Variants in TPST2 observed in about 807,000 individuals in gnomAD.
The protein encoded by TPST2 is protein-tyrosine sulfotransferase 2.
A neutral mutation model predicts 27.8 loss-of-function variants in TPST2; 16 were observed. The ratio of observed to expected loss-of-function variants is 0.58; its 90% CI spans 0.39 to 0.88. The LOEUF is 0.88. TPST2 is among the 40% of genes least tolerant of loss of function. The pLI, the probability that TPST2 is intolerant of heterozygous loss-of-function variation, is 0.00. For missense variants in TPST2, 464 were observed against 543.1 expected, an observed-to-expected ratio of 0.85 and a Z score of 1.45; for synonymous variants, 229 against 231.7, an observed-to-expected ratio of 0.99 and a Z score of 0.10.
At chr22:26,588,147 G>GT (rs1735346582) in intron 1 of TPST2, among the ~76,000 whole-genome samples, 1 of 151,162 alleles carries the variant, frequency 6.6e-6, no homozygotes, top group Non-Finnish European at 1.5e-5. Context: ...GATAGAATGT[G>GT]GTATATCCAC....
At chr22:26,544,725 G>C in intron 1 of TPST2, 50 bp from the exon 2 acceptor site, 1 of 965,906 alleles carries the variant, frequency 1.0e-6, no homozygotes. Context: ...TGTGGAGAGG[G>C]GCCAAGCCTT....
intron 1 of TPST2, among the ~76,000 whole-genome samples, chr22:26,548,192 G>A (rs760864252): frequency 3.9e-5 from 6 of 152,172 alleles, no homozygotes; most frequent in African/African-American, 9.7e-5. Flanking sequence ...AACGCTCATC[G>A]GATGTGGGGC....
At position 26,525,974 on chromosome 22, in the gene TPST2, G is replaced by A. The variant is rs1227311915; in HGVS notation, c.*301C>T. The A allele has an allele frequency of 6.6e-6, 1 of 152,060 alleles. No individual in the cohort carries two copies. The highest frequency in any genetic ancestry group is 1.9e-4 in the East Asian group (1 of 5,184). 9.4% of individuals were successfully genotyped at this position (152,060 alleles called of 1,614,324 possible). On this transcript the variant is annotated 3_prime_UTR_variant, in exon 7 of 7. Transcript: ENST00000338754. ...CCAAGGCAGTCCTGCAAATTAAGGA[G>A]GATGGCAAATCTGTCTCTTAAAAAA... is the stretch of plus-strand genomic sequence containing the variant.
chr22:26,535,510 G>A (rs1168909928), intron 4 of TPST2, among the ~76,000 whole-genome samples: 2 of 152,236 alleles, frequency 1.3e-5, no homozygotes, highest in Admixed American at 6.5e-5. Flanking sequence ...GTCACTGGAG[G>A]CTCACACCTG....
intron 1 of TPST2, among the ~76,000 whole-genome samples, chr22:26,560,247 G>C (rs1173187630): frequency 6.6e-6 from 1 of 152,116 alleles, no homozygotes; most frequent in East Asian, 1.9e-4. Flanking sequence ...ACAAGATACG[G>C]TAGGATGGTC....
intron 1 of TPST2, among the ~76,000 whole-genome samples, chr22:26,582,408 C>T (rs938737322): frequency 1.5e-4 from 23 of 152,120 alleles, no homozygotes; most frequent in African/African-American, 4.8e-4. Flanking sequence ...GCCTGGGCAA[C>T]AAGATCGAAA....
chr22:26,572,973 C>T (rs969187655), intron 1 of TPST2, among the ~76,000 whole-genome samples: 19 of 152,112 alleles, frequency 1.2e-4, no homozygotes, highest in African/African-American at 4.6e-4. Context: ...AGTTTTGTGA[C>T]CTCAGGTAAA....
intron 3 of TPST2, among the ~76,000 whole-genome samples, chr22:26,538,780 A>G (rs4149469): frequency 0.61 from 92,168 of 152,196 alleles, 28,288 homozygotes; most frequent in African/African-American, 0.62. Flanking sequence ...CCGAGATCAC[A>G]CCACTACACT....
intron 3 of TPST2, 65 bp downstream of exon 3, chr22:26,540,724 T>C: frequency 6.8e-7 from 1 of 1,460,280 alleles, no homozygotes; most frequent in Non-Finnish European, 9.1e-7. Context: ...AGTGCTGATT[T>C]TCTTGCCTGG....
intron 1 of TPST2, among the ~76,000 whole-genome samples, chr22:26,578,189 G>A (rs1927936045): frequency 6.6e-6 from 1 of 152,084 alleles, no homozygotes; most frequent in African/African-American, 2.4e-5. Flanking sequence ...TAATCTATGA[G>A]GACAGTGCTC....
intron 1 of TPST2, chr22:26,560,892 G>C: frequency 1.2e-6 from 2 of 1,600,554 alleles, no homozygotes; most frequent in Non-Finnish European, 1.7e-6. Context: ...CCTGTCCATT[G>C]GTGATGTTGC....
At chr22:26,574,361 T>C (rs1927747560) in intron 1 of TPST2, among the ~76,000 whole-genome samples, 1 of 152,184 alleles carries the variant, frequency 6.6e-6, no homozygotes, top group Non-Finnish European at 1.5e-5. Flanking sequence ...ACCAGAGAAG[T>C]GTCTGGAGCA....
intron 5 of TPST2, among the ~76,000 whole-genome samples, chr22:26,530,624 C>T (rs1332698895): frequency 2.5e-5 from 2 of 79,914 alleles, no homozygotes; most frequent in Non-Finnish European, 5.2e-5. Flanking sequence ...ACAGTGAAAC[C>T]CCATCTCAAA....
In TPST2 at chr22:26,541,576, C is replaced by A; in HGVS notation, c.55G>T (p.Val19Leu). 1.2e-6 allele frequency: 2 copies of A among 1,607,740 alleles called. No homozygotes were observed. Among genetic ancestry groups the A allele is most frequent in the Non-Finnish European group, 1.7e-6 (2 of 1,178,388 alleles). ...LLAAGCALVLVLAVQLGQQVL... is the reference protein window; with the variant it reads ...LLAAGCALVLLLAVQLGQQVL... ...TGCTGTCCCAGCTGAACCGCCAGCA[C>A]CAGGACCAGGGCGCAGCCGGCTGCC... Residue 19 changes from valine to leucine, a missense_variant, in exon 3 of 7, where the codon GTG becomes TTG. By Grantham distance (32) the Val-to-Leu change is conservative. Transcript: ENST00000338754. This position sits in a 1 kb window ranked among gnomAD's most constrained non-coding sequence, Gnocchi z 5.9.
chr22:26,582,510 A>G (rs1264719358), intron 1 of TPST2, among the ~76,000 whole-genome samples: 3 of 152,196 alleles, frequency 2.0e-5, no homozygotes, highest in Non-Finnish European at 2.9e-5. Flanking sequence ...GCATGTTAAG[A>G]TCTGAGAGGC....
intron 1 of TPST2, among the ~76,000 whole-genome samples, chr22:26,550,355 C>A (rs1227617137): frequency 6.6e-6 from 1 of 152,118 alleles, no homozygotes; most frequent in Non-Finnish European, 1.5e-5. Context: ...GAAGCAAATG[C>A]CCATGATGAG....
At chr22:26,544,055 A>G (rs765735350) in intron 2 of TPST2, among the ~76,000 whole-genome samples, 2 of 152,172 alleles carry the variant, frequency 1.3e-5, no homozygotes, top group African/African-American at 2.4e-5. Context: ...GAGGGCTTCT[A>G]ACTTGGAGTA....
At chr22:26,555,170 C>A (rs1306934250) in intron 1 of TPST2, 2 of 533,264 alleles carry the variant, frequency 3.8e-6, no homozygotes, top group African/African-American at 3.9e-5. Flanking sequence ...TTTTAACAAG[C>A]GCTGCCCCTT....
At chr22:26,542,882 C>A (rs1359580473) in intron 2 of TPST2, among the ~76,000 whole-genome samples, 7 of 152,174 alleles carry the variant, frequency 4.6e-5, no homozygotes, top group Admixed American at 4.6e-4. Flanking sequence ...CACCCAAGGG[C>A]CCAGTCTGCA....
Sources: gnomAD v4.1 joint callset for allele counts (sites outside exome capture counted in the v4.1 genomes callset) on GRCh38, gnomAD v4.1.1 for gene constraint, Gnocchi (gnomAD v3.1) non-coding constraint, MANE v1.5 for transcripts, NCBI Gene and HGNC (gene_info 2026-07-23, HGNC 2026-07-21) for gene names.